Variants in FSTL5 observed in about 807,000 individuals in gnomAD.
The protein encoded by FSTL5 is follistatin like 5.
FSTL5 carries 62 observed loss-of-function variants against 89.1 expected under a neutral mutation model. The observed-to-expected ratio is 0.70, with a 90% CI of 0.57 to 0.86. The LOEUF is 0.86. Among genes scored for constraint, FSTL5 ranks in the 40% least tolerant of loss-of-function variants. The pLI is 0.00. For synonymous variants in FSTL5, 383 were observed against 346.2 expected (o/e 1.11, Z -1.18); for missense variants, 1,057 against 1,001.6 (o/e 1.06, Z -0.75).
intron 3 of FSTL5, among the ~76,000 whole-genome samples, chr4:161,997,280 T>C (rs924559848): frequency 1.3e-5 from 2 of 152,184 alleles, no homozygotes; most frequent in African/African-American, 4.8e-5. Flanking sequence ...GATTTTTCCT[T>C]ATTGTTTTTC....
intron 15 of FSTL5, among the ~76,000 whole-genome samples, chr4:161,399,714 C>T (rs548001036): frequency 6.6e-6 from 1 of 152,206 alleles, no homozygotes; most frequent in Admixed American, 6.5e-5. Context: ...AGACTTTTTA[C>T]TGTGATACAA....
rs1733476802 is a variant in FSTL5, at chr4:161,459,292, T to C, written c.1636A>G (p.Lys546Glu). 6.2e-7 allele frequency: 1 copy of C among 1,613,100 alleles called. No individual in the cohort carries two copies. Among genetic ancestry groups the C allele is most frequent in the Non-Finnish European group, 8.5e-7 (1 of 1,179,216 alleles). Residue 546 changes from lysine to glutamate, a missense_variant, in exon 14 of 16, where the codon AAA becomes GAA. Coordinates refer to ENST00000306100, the MANE Select transcript of FSTL5 (RefSeq NM_020116.5). Reference sequence around the variant, plus strand: ...TCATGTGATTTGTCATAGTGTAATTTAACTGGGACAGGGTCTGTGCTCACT... The same window carrying C: ...TCATGTGATTTGTCATAGTGTAATTCAACTGGGACAGGGTCTGTGCTCACT... ...QAVSTDPVPV[K>E]LHYDKSHDQV...
At chr4:162,130,754 G>C (rs1469621917) in intron 1 of FSTL5, among the ~76,000 whole-genome samples, 1 of 152,162 alleles carries the variant, frequency 6.6e-6, no homozygotes, top group Non-Finnish European at 1.5e-5. Flanking sequence ...GCTTAGGAAT[G>C]TGCAGTGATT....
intron 4 of FSTL5, among the ~76,000 whole-genome samples, chr4:161,902,030 T>C (rs1456683150): frequency 6.6e-6 from 1 of 152,194 alleles, no homozygotes; most frequent in African/African-American, 2.4e-5. Context: ...TTTTCTTCCA[T>C]TTCTTTAGTT....
At chr4:161,809,191 C>A (rs1322647950) in intron 4 of FSTL5, among the ~76,000 whole-genome samples, 2 of 152,168 alleles carry the variant, frequency 1.3e-5, no homozygotes, top group Non-Finnish European at 2.9e-5. Context: ...TTCACTCCAG[C>A]CTGGGCAACA....
chr4:161,945,125 A>T (rs765823320), intron 3 of FSTL5, among the ~76,000 whole-genome samples: 17 of 152,138 alleles, frequency 1.1e-4, no homozygotes, highest in Admixed American at 2.6e-4. Context: ...AACTCTATGT[A>T]AGTTTTATTT....
intron 15 of FSTL5, among the ~76,000 whole-genome samples, chr4:161,439,679 T>G (rs2126363955): frequency 6.6e-6 from 1 of 152,114 alleles, no homozygotes; most frequent in African/African-American, 2.4e-5. Flanking sequence ...TCTTTGACAA[T>G]TTGGTATACA....
chr4:161,839,276 C>A (rs113011807), intron 4 of FSTL5, among the ~76,000 whole-genome samples: 1 of 151,848 alleles, frequency 6.6e-6, no homozygotes, highest in African/African-American at 2.4e-5. Flanking sequence ...TATTCTGTTA[C>A]GGGATGAATG....
intron 15 of FSTL5, among the ~76,000 whole-genome samples, chr4:161,442,530 G>A (rs1044694695): frequency 6.6e-6 from 1 of 152,030 alleles, no homozygotes. Context: ...AGGCCATGGC[G>A]AAGTTTTCAG....
chr4:161,387,115 T>C (rs1490412933), intron 15 of FSTL5: 1 of 152,126 alleles, frequency 6.6e-6, no homozygotes, highest in East Asian at 1.9e-4. Flanking sequence ...ATTTGCTAAA[T>C]ATTGCTTGAG....
intron 1 of FSTL5, among the ~76,000 whole-genome samples, chr4:162,155,284 C>G: frequency 6.6e-6 from 1 of 152,166 alleles, no homozygotes. Flanking sequence ...GAAGCAGAAG[C>G]AGTCAGATTA....
chr4:161,741,755 T>A (rs926428459), intron 6 of FSTL5, among the ~76,000 whole-genome samples: 22 of 150,880 alleles, frequency 1.5e-4, no homozygotes, highest in African/African-American at 5.4e-4. Flanking sequence ...TGGCACGGTC[T>A]TGGCTCACTG....
intron 10 of FSTL5, among the ~76,000 whole-genome samples, chr4:161,516,985 T>A (rs1730866041): frequency 6.6e-6 from 1 of 152,038 alleles, no homozygotes; most frequent in African/African-American, 2.4e-5. Flanking sequence ...CCTCCACCTG[T>A]TCAAGCGATT....
At chr4:161,786,627 T>C (rs1330640159) in intron 4 of FSTL5, among the ~76,000 whole-genome samples, 4 of 152,120 alleles carry the variant, frequency 2.6e-5, no homozygotes, top group Admixed American at 1.3e-4. Flanking sequence ...GAAAAGAGGA[T>C]TACTCCGTGT....
chr4:162,135,623 T>TA (rs1401498015), intron 1 of FSTL5, among the ~76,000 whole-genome samples: 2 of 152,114 alleles, frequency 1.3e-5, no homozygotes, highest in African/African-American at 4.8e-5. Flanking sequence ...TGGCCCCTCT[T>TA]ACTACTTTCT....
rs144665679 is a variant in FSTL5, at chr4:162,112,266, C to G, written c.-16-854G>C. 4.9e-3 allele frequency among the ~76,000 whole-genome samples: 745 copies of G among 152,204 alleles called. 7 individuals are homozygous for G. Among genetic ancestry groups the G allele is most frequent in the Middle Eastern group, 6.8e-3 (2 of 294 alleles). The stretch of plus-strand genomic sequence containing the variant: ...AAACTTAATCAATTGATTAGCATTG[C>G]TCTATGCTGTATTTTGGGTCTGTTT... On this transcript the variant is annotated intron_variant, in intron 1 of 15. Transcript: ENST00000306100.
chr4:161,479,290 TGAA>T (rs1180206459), intron 13 of FSTL5, among the ~76,000 whole-genome samples: 1 of 152,104 alleles, frequency 6.6e-6, no homozygotes, highest in Non-Finnish European at 1.5e-5. Context: ...CCATATCACT[TGAA>T]CATTTTATTA....
At chr4:161,453,876 G>C (rs983686688) in intron 15 of FSTL5, among the ~76,000 whole-genome samples, 5 of 152,146 alleles carry the variant, frequency 3.3e-5, no homozygotes, top group Non-Finnish European at 7.3e-5. Flanking sequence ...TTACATGGGA[G>C]AGCTACCATG....
intron 4 of FSTL5, among the ~76,000 whole-genome samples, chr4:161,859,918 G>T (rs1027639083): frequency 6.6e-6 from 1 of 152,188 alleles, no homozygotes; most frequent in African/African-American, 2.4e-5. Context: ...AGAACGAAAT[G>T]AATGTATTAA....
Sources: gnomAD v4.1 joint callset for allele counts (sites outside exome capture counted in the v4.1 genomes callset) on GRCh38, gnomAD v4.1.1 for gene constraint, MANE v1.5 for transcripts, NCBI Gene and HGNC (gene_info 2026-07-23, HGNC 2026-07-21) for gene names.